SNCAIP: variants seen among roughly 807,000 people sequenced by gnomAD.
SNCAIP encodes synphilin-1.
In SNCAIP, 43 loss-of-function variants were observed where a neutral mutation model predicts 86.7. The ratio of observed to expected loss-of-function variants is 0.50; its 90% CI spans 0.39 to 0.64. The LOEUF (loss-of-function observed/expected upper bound fraction) is 0.64, where lower values mean the gene tolerates loss of function less well. Ranked by LOEUF, SNCAIP falls within the 30% of genes least tolerant of loss-of-function variation. SNCAIP has a pLI of 0.00. For missense variants in SNCAIP, 981 were observed against 1,103.1 expected, an observed-to-expected ratio of 0.89 and a Z score of 1.57; for synonymous variants, 417 against 427.2, an observed-to-expected ratio of 0.98 and a Z score of 0.29.
chr5:122,449,448 C>T (rs909412067), intron 8 of SNCAIP, among the ~76,000 whole-genome samples: 1 of 151,972 alleles, frequency 6.6e-6, no homozygotes. Flanking sequence ...AAGTATACTT[C>T]ATATATACAT....
intron 6 of SNCAIP, 37 bp from the exon 7 acceptor site, chr5:122,440,592 G>T: frequency 6.2e-7 from 1 of 1,602,384 alleles, no homozygotes; most frequent in Non-Finnish European, 8.6e-7. Flanking sequence ...TTCTCTGCAA[G>T]ATATTACATG....
At chr5:122,396,060 T>C (rs557951860) in intron 2 of SNCAIP, among the ~76,000 whole-genome samples, 5 of 152,284 alleles carry the variant, frequency 3.3e-5, no homozygotes, top group African/African-American at 9.6e-5. Flanking sequence ...CCGTGTGATC[T>C]AGTTCCAGCA....
chr5:122,410,175 T>G (rs922854833), intron 3 of SNCAIP, among the ~76,000 whole-genome samples: 1 of 152,268 alleles, frequency 6.6e-6, no homozygotes, highest in African/African-American at 2.4e-5. Context: ...TGATCCATTA[T>G]TTTTAAAGAA....
At chr5:122,312,062 T>C (rs1263717832), upstream of SNCAIP, 1 of 145,742 alleles carries the variant, frequency 6.9e-6, no homozygotes, top group East Asian at 2.0e-4. Context: ...AGCGCCGGCT[T>C]CGGGCCGCGG....
At chr5:122,440,430 T>G in intron 6 of SNCAIP, 199 bp from the exon 7 acceptor site, 1 of 581,188 alleles carries the variant, frequency 1.7e-6, no homozygotes, top group Non-Finnish European at 3.0e-6. Context: ...GCTCTTAAAA[T>G]TCTCTATGCC....
intron 1 of SNCAIP, among the ~76,000 whole-genome samples, chr5:122,364,859 ATCTCTTTTT>A (rs1762842530): frequency 6.6e-6 from 1 of 152,184 alleles, no homozygotes; most frequent in African/African-American, 2.4e-5. Context: ...GCCCTTCTAG[ATCTCTTTTT>A]TCCACATTTG....
chr5:122,421,396 G>A (rs1289396807), intron 3 of SNCAIP, among the ~76,000 whole-genome samples: 1 of 152,162 alleles, frequency 6.6e-6, no homozygotes, highest in East Asian at 1.9e-4. Context: ...GAACTTCTCT[G>A]AATCCTTTTA....
At chr5:122,348,617 A>G (rs567298320) in intron 1 of SNCAIP, among the ~76,000 whole-genome samples, 3 of 152,332 alleles carry the variant, frequency 2.0e-5, no homozygotes, top group Non-Finnish European at 2.9e-5. Context: ...ATTGATTATA[A>G]GTATTCTTTA....
intron 10 of SNCAIP, chr5:122,451,883 G>A (rs911522509): frequency 1.1e-5 from 4 of 365,244 alleles, no homozygotes; most frequent in Non-Finnish European, 2.0e-5. Flanking sequence ...CTAATCTTTA[G>A]GTGTTAGGGT....
intron 8 of SNCAIP, among the ~76,000 whole-genome samples, chr5:122,449,433 A>C (rs1783242765): frequency 6.6e-6 from 1 of 151,880 alleles, no homozygotes; most frequent in African/African-American, 2.4e-5. Context: ...TATTTAATGA[A>C]AGTAAAGTAT....
intron 1 of SNCAIP, chr5:122,388,474 C>T (rs939730104): frequency 2.0e-5 from 3 of 152,462 alleles, no homozygotes; most frequent in African/African-American, 7.2e-5. Flanking sequence ...AAAGCAACCA[C>T]AGTTCACCTC....
chr5:122,325,072 G>T (rs758405337), intron 1 of SNCAIP, among the ~76,000 whole-genome samples: 1 of 152,032 alleles, frequency 6.6e-6, no homozygotes, highest in Admixed American at 6.6e-5. Flanking sequence ...ATTTTGATAT[G>T]GTTTCTTCCC....
chr5:122,439,468 C>A (rs1780307562), intron 6 of SNCAIP, among the ~76,000 whole-genome samples: 3 of 152,196 alleles, frequency 2.0e-5, no homozygotes. Flanking sequence ...AATGTTCAGT[C>A]TCTCCCTGAT....
intron 1 of SNCAIP, among the ~76,000 whole-genome samples, chr5:122,375,425 A>G (rs1294130899): frequency 1.4e-5 from 2 of 147,602 alleles, no homozygotes; most frequent in East Asian, 2.0e-4. Context: ...CTTCACATAC[A>G]TTTATGTAAG....
chr5:122,403,245 T>C (rs768792409), intron 2 of SNCAIP, among the ~76,000 whole-genome samples: 23 of 152,152 alleles, frequency 1.5e-4, no homozygotes, highest in Admixed American at 7.9e-4. Flanking sequence ...TTTATGACAT[T>C]ACCCTGGTAT....
intron 3 of SNCAIP, among the ~76,000 whole-genome samples, chr5:122,404,255 G>C (rs976895502): frequency 2.0e-5 from 3 of 152,192 alleles, no homozygotes; most frequent in African/African-American, 7.2e-5. Context: ...GGACCAGCTT[G>C]GGGAATGGTG....
intron 1 of SNCAIP, among the ~76,000 whole-genome samples, chr5:122,320,290 AAACTTT>A (rs948104120): frequency 1.3e-4 from 20 of 152,180 alleles, no homozygotes; most frequent in Non-Finnish European, 1.9e-4. Context: ...GCACACTTGG[AAACTTT>A]AACTTAACAG....
At chr5:122,448,832 A>G (rs1235154851) in intron 8 of SNCAIP, among the ~76,000 whole-genome samples, 2 of 148,868 alleles carry the variant, frequency 1.3e-5, no homozygotes, top group East Asian at 3.9e-4. Context: ...CCGACTAACA[A>G]GGTGAAACCC....
At chr5:122,421,941 A>G (rs750245052) in intron 3 of SNCAIP, among the ~76,000 whole-genome samples, 3 of 150,200 alleles carry the variant, frequency 2.0e-5, no homozygotes, top group Non-Finnish European at 2.9e-5. Flanking sequence ...TTTCTACTCT[A>G]TCGCAACCAG....
Sources: allele counts gnomAD v4.1 joint callset (sites outside exome capture counted in the v4.1 genomes callset), GRCh38; gene constraint gnomAD v4.1.1; transcripts MANE v1.5; gene names NCBI Gene and HGNC (gene_info 2026-07-23, HGNC 2026-07-21).